The following ECT2L variants were observed in gnomAD, a reference collection of about 807,000 sequenced individuals.
The protein encoded by ECT2L is epithelial cell transforming 2 like.
Under a neutral mutation model 122.8 loss-of-function variants are expected in ECT2L, and 126 were observed. That is an observed-to-expected ratio of 1.03 (90% CI 0.89 to 1.19). ECT2L has a LOEUF of 1.19. ECT2L is among the 50% of genes most tolerant of loss of function. ECT2L has a pLI of 0.00. For synonymous variants in ECT2L, 385 were observed against 381.8 expected (o/e 1.01, Z -0.10); for missense variants, 1,012 against 1,064.1 (o/e 0.95, Z 0.68).
rs1481502931 is a variant in ECT2L, at chr6:138,865,120, G to A, written c.1416G>A (p.Arg472=). 6.2e-7 allele frequency: 1 copy of A among 1,613,896 alleles called. No homozygotes were observed. Among genetic ancestry groups the A allele is most frequent in the African/African-American group, 1.3e-5 (1 of 74,912 alleles). ...TAGAAGAAACCTTGAAAACAGTAAG[G>A]AAGCAGCTGTATCCTTTCTTCAAGG... ...DFLEETLKTV[R]KQLYPFFKEL... Residue 472 remains arginine, a synonymous_variant, in exon 12 of 22, where the codon AGG becomes AGA. Transcript: ENST00000541398.
At chr6:138,892,690 A>G (rs941881365) in intron 20 of ECT2L, among the ~76,000 whole-genome samples, 2 of 152,068 alleles carry the variant, frequency 1.3e-5, no homozygotes, top group African/African-American at 4.8e-5. Flanking sequence ...GATGGGATTC[A>G]CCACATTGGC....
At chr6:138,852,511 C>T (rs1286070278) in intron 9 of ECT2L, among the ~76,000 whole-genome samples, 2 of 152,068 alleles carry the variant, frequency 1.3e-5, no homozygotes, top group African/African-American at 4.8e-5. Context: ...ATAAGATGAT[C>T]CCAGATATGG....
At chr6:138,851,746 T>C (rs1003976248) in intron 9 of ECT2L, among the ~76,000 whole-genome samples, 5 of 152,192 alleles carry the variant, frequency 3.3e-5, no homozygotes, top group Admixed American at 6.5e-5. Context: ...GATTTGCAAA[T>C]ATTTTCTCCC....
intron 19 of ECT2L, among the ~76,000 whole-genome samples, chr6:138,887,542 A>G (rs1778870262): frequency 6.6e-6 from 1 of 151,842 alleles, no homozygotes; most frequent in Non-Finnish European, 1.5e-5. Flanking sequence ...CTTGTTTTCT[A>G]TCTCCCTGCA....
intron 11 of ECT2L, among the ~76,000 whole-genome samples, chr6:138,864,186 G>A (rs1777944420): frequency 6.6e-6 from 1 of 151,690 alleles, no homozygotes; most frequent in Non-Finnish European, 1.5e-5. Flanking sequence ...CTGGGCAGTA[G>A]TGGCACACAT....
chr6:138,871,993 A>T (rs1283138754), intron 13 of ECT2L, among the ~76,000 whole-genome samples: 1 of 148,558 alleles, frequency 6.7e-6, no homozygotes, highest in African/African-American at 2.6e-5. Flanking sequence ...TTTTTTTTTG[A>T]GATGGGGCCT....
intron 5 of ECT2L, among the ~76,000 whole-genome samples, chr6:138,841,908 G>A (rs923053095): frequency 2.6e-5 from 4 of 152,228 alleles, no homozygotes; most frequent in South Asian, 4.1e-4. Flanking sequence ...AATATCGTAC[G>A]CTTCAGTCAA....
intron 1 of ECT2L, among the ~76,000 whole-genome samples, chr6:138,807,528 A>G (rs1775752733): frequency 6.6e-6 from 1 of 151,984 alleles, no homozygotes; most frequent in Admixed American, 6.6e-5. Flanking sequence ...ACTCCACTAC[A>G]CCGTCTCCTC....
intron 14 of ECT2L, among the ~76,000 whole-genome samples, chr6:138,880,205 T>A (rs1449533139): frequency 6.6e-6 from 1 of 152,210 alleles, no homozygotes; most frequent in Non-Finnish European, 1.5e-5. Context: ...GTAGAATACC[T>A]GAGACTGGGT....
intron 16 of ECT2L, among the ~76,000 whole-genome samples, chr6:138,884,735 G>A (rs1412106157): frequency 6.6e-6 from 1 of 152,082 alleles, no homozygotes; most frequent in Admixed American, 6.5e-5. Context: ...TATTAAAGGT[G>A]AATACCATTA....
At chr6:138,809,242 T>A (rs1775812051) in intron 1 of ECT2L, among the ~76,000 whole-genome samples, 1 of 152,202 alleles carries the variant, frequency 6.6e-6, no homozygotes, top group Non-Finnish European at 1.5e-5. Flanking sequence ...GATCTTTTTG[T>A]CATGAACGGG....
intron 10 of ECT2L, among the ~76,000 whole-genome samples, chr6:138,860,614 T>C (rs1055550988): frequency 2.0e-5 from 3 of 152,096 alleles, no homozygotes; most frequent in Non-Finnish European, 4.4e-5. Flanking sequence ...GGACCACAAA[T>C]AGTTAAAATA....
chr6:138,876,654 T>A, intron 14 of ECT2L, 96 bp downstream of exon 14: 1 of 733,444 alleles, frequency 1.4e-6, no homozygotes, highest in Non-Finnish European at 2.1e-6. Context: ...TCCTTGAAAA[T>A]TTCCCTTTGG....
rs760817317 is a variant in ECT2L, at chr6:138,814,483, CCT to C, written c.67-7_67-6del. On this transcript the variant is annotated splice_polypyrimidine_tract_variant and splice_region_variant and intron_variant, in intron 3 of 21. Coordinates refer to ENST00000541398, the MANE Select transcript of ECT2L (RefSeq NM_001077706.3). ...AGCAAATGTCACTTCCTCCCCTCCCCCTTATAGCTCTTTCAGGAAAGAGTGGC... is the reference window on the plus strand; with the variant it reads ...AGCAAATGTCACTTCCTCCCCTCCCCTATAGCTCTTTCAGGAAAGAGTGGC... 9.5e-6 allele frequency: 15 copies of C among 1,578,602 alleles called. No homozygotes were observed. The highest frequency in any genetic ancestry group is 1.3e-5 in the Non-Finnish European group (15 of 1,150,544).
chr6:138,814,117 T>G (rs1451414065), intron 3 of ECT2L, among the ~76,000 whole-genome samples: 1 of 152,202 alleles, frequency 6.6e-6, no homozygotes, highest in Non-Finnish European at 1.5e-5. Context: ...TAAATGAGTG[T>G]AGCCCGTATA....
At position 138,885,722 on chromosome 6, in the gene ECT2L, T is replaced by G; in HGVS notation, c.2151T>G (p.Leu717=). ...CATCCCGAAGATTTGAAGAATACCTTAATCTTCTCTACGCTGTCAGGCTTC... is the reference window on the plus strand; with the variant it reads ...CATCCCGAAGATTTGAAGAATACCTGAATCTTCTCTACGCTGTCAGGCTTC... ...LYPSRRFEEY[L]NLLYAVRLHT... Residue 717 remains leucine, a synonymous_variant, in exon 18 of 22, where the codon CTT becomes CTG. Coordinates refer to ENST00000541398, the MANE Select transcript of ECT2L (RefSeq NM_001077706.3). 1 of 1,614,146 alleles carries G rather than the reference T, an allele frequency of 6.2e-7. No homozygotes were observed. Among genetic ancestry groups the G allele is most frequent in the Non-Finnish European group, 8.5e-7 (1 of 1,180,030 alleles).
At position 138,814,520 on chromosome 6, in the gene ECT2L, T is replaced by C. The variant is rs370660365; in HGVS notation, c.96T>C (p.Ser32=). The part of the protein sequence containing the change: ...QLFQERVALI[S]HWFDLWTNKQ... ...TTCAGGAAAGAGTGGCTCTTATAAGTCATTGGTTTGACCTCTGGACTAACA... is the reference window on the plus strand; with the variant it reads ...TTCAGGAAAGAGTGGCTCTTATAAGCCATTGGTTTGACCTCTGGACTAACA... Residue 32 remains serine (S), a synonymous_variant, in exon 4 of 22, where the codon AGT becomes AGC. Transcript: ENST00000541398. 46 of 1,611,548 alleles carry C rather than the reference T, an allele frequency of 2.9e-5. No individual in the cohort carries two copies. Among genetic ancestry groups the C allele is most frequent in the Non-Finnish European group, 3.6e-5 (43 of 1,178,392 alleles).
intron 4 of ECT2L, among the ~76,000 whole-genome samples, chr6:138,835,543 C>G (rs1776803381): frequency 7.0e-6 from 1 of 142,388 alleles, no homozygotes; most frequent in Non-Finnish European, 1.5e-5. Context: ...CAGAGCCAGG[C>G]CCTGTCTCAA....
At chr6:138,797,401 G>A (rs569028864) in intron 1 of ECT2L, among the ~76,000 whole-genome samples, 8 of 152,154 alleles carry the variant, frequency 5.3e-5, no homozygotes, top group Admixed American at 2.0e-4. Flanking sequence ...AGAAGTACGC[G>A]CATGTAGGTA....
Sources: allele counts gnomAD v4.1 joint callset (sites outside exome capture counted in the v4.1 genomes callset), GRCh38; gene constraint gnomAD v4.1.1; transcripts MANE v1.5; gene names NCBI Gene and HGNC (gene_info 2026-07-23, HGNC 2026-07-21).